VPS53: variants seen among roughly 807,000 people sequenced by gnomAD.
The protein encoded by VPS53 is vacuolar protein sorting-associated protein 53 homolog.
VPS53 carries 70 observed loss-of-function variants against 107.0 expected under a neutral mutation model. That is an observed-to-expected ratio of 0.65 (90% CI 0.54 to 0.80). The LOEUF is 0.80. VPS53 is among the 30% of genes least tolerant of loss of function. The pLI is 0.00. For synonymous variants in VPS53, 409 were observed against 393.3 expected, an observed-to-expected ratio of 1.04 and a Z score of -0.47; for missense variants, 917 against 1,049.4, an observed-to-expected ratio of 0.87 and a Z score of 1.74.
chr17:577,399 G>A (rs966773198), intron 13 of VPS53, among the ~76,000 whole-genome samples: 4 of 146,294 alleles, frequency 2.7e-5, no homozygotes, highest in African/African-American at 5.1e-5. Flanking sequence ...AACCTAATGC[G>A]TTACCACAGA....
chr17:577,216 A>G (rs576885376), intron 13 of VPS53, among the ~76,000 whole-genome samples: 1 of 149,270 alleles, frequency 6.7e-6, no homozygotes, highest in Non-Finnish European at 1.5e-5. Flanking sequence ...TTCCCAGAGA[A>G]CCTCCCTCAG....
At chr17:714,597 C>T in intron 1 of VPS53, 26 bp downstream of exon 1, 1 of 1,593,834 alleles carries the variant, frequency 6.3e-7, no homozygotes, top group African/African-American at 1.4e-5. Flanking sequence ...ACTCCCGTTT[C>T]CCCTCCTGAG....
intron 11 of VPS53, among the ~76,000 whole-genome samples, chr17:606,877 A>T (rs977495530): frequency 1.9e-4 from 2 of 10,678 alleles, no homozygotes; most frequent in African/African-American, 3.8e-4. Context: ...TCCCACCCCC[A>T]CCCCCACCTC....
At position 562,753 on chromosome 17, in the gene VPS53, G is replaced by GAA. The variant is rs36070043; in HGVS notation, c.1314-10_1314-9dup. ...ATCAGCTCTCCGAGGTTCCTAGGAG[G>GAA]AAAAAAAAAAACCAAAAATGTTATT... On this transcript the variant is annotated splice_polypyrimidine_tract_variant and intron_variant, in intron 13 of 21. Coordinates refer to ENST00000437048, the MANE Select transcript of VPS53 (RefSeq NM_001128159.3). 2.6e-3 allele frequency: 3,419 copies of GAA among 1,318,708 alleles called. No individual in the cohort carries two copies. Among genetic ancestry groups the GAA allele is most frequent in the South Asian group, 5.6e-3 (393 of 70,584 alleles). The allele number at this position is 1,318,708 out of a possible 1,614,324, so 81.7% of individuals were successfully genotyped here.
At position 699,352 on chromosome 17, in the gene VPS53, T is replaced by C. The variant is rs767867228; in HGVS notation, c.197A>G (p.Asn66Ser). 6 of 1,577,096 alleles carry C rather than the reference T, an allele frequency of 3.8e-6. No individual in the cohort carries two copies. Among genetic ancestry groups the C allele is most frequent in the Non-Finnish European group, 5.1e-6 (6 of 1,166,048 alleles). The part of the protein sequence containing the change: ...QSLANIDEVV[N>S]KIRLKIRRLD... ...TCACCTTATTTTCAGCCTAATTTTG[T>C]TCACGACTTCGTCTATGTTCGCCAG... Residue 66 changes from asparagine to serine, a missense_variant, in exon 3 of 22, where the codon AAC becomes AGC. Coordinates refer to ENST00000437048, the MANE Select transcript of VPS53 (RefSeq NM_001128159.3).
At chr17:669,959 T>C (rs577272579) in intron 4 of VPS53, among the ~76,000 whole-genome samples, 3 of 152,064 alleles carry the variant, frequency 2.0e-5, no homozygotes, top group African/African-American at 7.2e-5. Context: ...CATTCCAAGC[T>C]GTATGTGGAT....
intron 7 of VPS53, among the ~76,000 whole-genome samples, chr17:640,006 T>C (rs1416989117): frequency 6.6e-6 from 1 of 152,214 alleles, no homozygotes; most frequent in Non-Finnish European, 1.5e-5. Context: ...AGGTGGAGTC[T>C]ACAGAGGCAG....
intron 18 of VPS53, among the ~76,000 whole-genome samples, chr17:533,282 AT>A (rs1482800831): frequency 6.6e-6 from 1 of 152,070 alleles, no homozygotes; most frequent in Non-Finnish European, 1.5e-5. Flanking sequence ...CTACTTTTTA[AT>A]TTTTTTGTAG....
At chr17:603,016 G>A (rs1033396345) in intron 11 of VPS53, among the ~76,000 whole-genome samples, 3 of 152,108 alleles carry the variant, frequency 2.0e-5, no homozygotes, top group Non-Finnish European at 4.4e-5. Flanking sequence ...AATACCAGTG[G>A]GTCAATCTGA....
intron 2 of VPS53, among the ~76,000 whole-genome samples, chr17:705,396 C>A (rs748108504): frequency 1.9e-4 from 29 of 150,898 alleles, no homozygotes; most frequent in Non-Finnish European, 4.1e-4. Context: ...CCAGACCAGC[C>A]TGGGCAACAC....
intron 4 of VPS53, among the ~76,000 whole-genome samples, chr17:662,465 A>G (rs542719715): frequency 1.6e-4 from 24 of 152,166 alleles, no homozygotes; most frequent in Non-Finnish European, 2.1e-4. Context: ...CAAGGCGGGC[A>G]GATCACGAGG....
At chr17:657,939 G>A (rs111343029) in intron 5 of VPS53, among the ~76,000 whole-genome samples, 2 of 124,300 alleles carry the variant, frequency 1.6e-5, no homozygotes, top group African/African-American at 3.0e-5. Flanking sequence ...TAGATACATC[G>A]CACTAAAGTG....
In VPS53 at chr17:645,390, T is replaced by C. The variant is rs76441876; in HGVS notation, c.608+7901A>G. Among the ~76,000 whole-genome samples, 401 of 152,382 alleles carry C rather than the reference T, an allele frequency of 2.6e-3. 3 individuals carry two copies. Among genetic ancestry groups the C allele is most frequent in the African/African-American group, 9.3e-3 (388 of 41,596 alleles). Reference sequence around the variant, plus strand: ...GTTGTTGATTTCTGGGAATTCTTTATATATTCTAGATATTAATCCATTATC... The same window carrying C: ...GTTGTTGATTTCTGGGAATTCTTTACATATTCTAGATATTAATCCATTATC... On this transcript the variant is annotated intron_variant, in intron 7 of 21. Coordinates refer to ENST00000437048, the MANE Select transcript of VPS53 (RefSeq NM_001128159.3).
chr17:702,822 A>G (rs1169374873), intron 2 of VPS53, among the ~76,000 whole-genome samples: 1 of 152,130 alleles, frequency 6.6e-6, no homozygotes, highest in Non-Finnish European at 1.5e-5. Flanking sequence ...CCTAGGCAAC[A>G]ATTGCAGGCA....
chr17:693,199 G>A (rs751187961), intron 4 of VPS53, among the ~76,000 whole-genome samples: 7 of 152,096 alleles, frequency 4.6e-5, no homozygotes, highest in Non-Finnish European at 8.8e-5. Context: ...CAGCCATCTC[G>A]GCTATTACAT....
intron 7 of VPS53, among the ~76,000 whole-genome samples, chr17:635,528 A>G (rs933404276): frequency 2.6e-5 from 4 of 152,146 alleles, no homozygotes; most frequent in Admixed American, 1.3e-4. Context: ...TTATGGTTTT[A>G]GGTCTAACAT....
Position 519,871 on chromosome 17 carries a change from G to A in VPS53, c.2283C>T (p.Leu761=), listed in dbSNP as rs1468195679. ...VVFVDNYIKL[L]TDCNTETFQK... ...GAAAGGTTTCTGTGTTGCAGTCTGTGAGAAGTTTGATGTAGTTGTCAACAA... is the reference window on the plus strand; with the variant it reads ...GAAAGGTTTCTGTGTTGCAGTCTGTAAGAAGTTTGATGTAGTTGTCAACAA... The change falls in exon 21 of 22, where the codon CTC becomes CTT. Residue 761 remains leucine (L), a synonymous_variant. Coordinates refer to ENST00000437048, the MANE Select transcript of VPS53 (RefSeq NM_001128159.3). The surrounding 1 kb of genome is among the most constrained non-coding windows in gnomAD (Gnocchi z 5.0). The A allele has an allele frequency of 4.5e-6, 7 of 1,551,736 alleles. No homozygotes were observed. The highest frequency in any genetic ancestry group is 5.2e-6 in the Non-Finnish European group (6 of 1,147,002).
intron 18 of VPS53, 87 bp from the exon 19 acceptor site, chr17:532,998 G>A (rs2151807737): frequency 6.6e-7 from 1 of 1,514,020 alleles, no homozygotes; most frequent in Middle Eastern, 1.7e-4. Flanking sequence ...GTATCTCCAT[G>A]AAAAAACCTT....
Position 560,559 on chromosome 17 carries a change from C to G in VPS53, c.1571G>C (p.Ser524Thr), listed in dbSNP as rs768423256. 1.2e-6 allele frequency: 2 copies of G among 1,613,964 alleles called. No homozygotes were observed. Among genetic ancestry groups the G allele is most frequent in the Non-Finnish European group, 8.5e-7 (1 of 1,179,930 alleles). ...GAGGCTGCTGATAGTCAGTCCTCCA[C>G]TGCTGGTTGTGGTTCTGAAGAAAAG... ...SGNLPKTTTS[S>T]GGLTISSLLK... The change falls in exon 15 of 22, where the codon AGT becomes ACT. Residue 524 changes from serine (S) to threonine (T), a missense_variant. By Grantham distance (58) the Ser-to-Thr change is moderately conservative (BLOSUM62 1). Transcript: ENST00000437048.
Sources: allele counts gnomAD v4.1 joint callset (sites outside exome capture counted in the v4.1 genomes callset), GRCh38; gene constraint gnomAD v4.1.1; non-coding constraint Gnocchi (gnomAD v3.1); transcripts MANE v1.5; gene names NCBI Gene and HGNC (gene_info 2026-07-23, HGNC 2026-07-21).